Variants in FBN3 observed in about 807,000 individuals in gnomAD.
The protein encoded by FBN3 is fibrillin 3.
A neutral mutation model predicts 330.1 loss-of-function variants in FBN3; 234 were observed. That is an observed-to-expected ratio of 0.71 (90% CI 0.64 to 0.79). The LOEUF is 0.79. Ranked by LOEUF, FBN3 falls within the 30% of genes least tolerant of loss-of-function variation. The probability of loss-of-function intolerance (pLI) is 0.00; values close to 1 mark genes in which losing one functional copy is unlikely to be tolerated. For synonymous variants in FBN3, 1,458 were observed against 1,517.3 expected (o/e 0.96, Z 0.91); for missense variants, 3,606 against 3,886.9 (o/e 0.93, Z 1.92).
At chr19:8,132,757 G>A (rs1049864399) in intron 14 of FBN3, among the ~76,000 whole-genome samples, 5 of 152,322 alleles carry the variant, frequency 3.3e-5, no homozygotes, top group African/African-American at 1.2e-4. Context: ...CTCCCAAGGT[G>A]CTGGGACTAC....
Position 8,139,626 on chromosome 19 carries a change from A to G in FBN3, c.866-1062T>C, listed in dbSNP as rs75713782. Among the ~76,000 whole-genome samples, 342 of 151,890 alleles carry G rather than the reference A, an allele frequency of 2.3e-3. No homozygotes were observed. The Middle Eastern group carries it at 0.024, about 11-fold the overall frequency. On this transcript the variant is annotated intron_variant, in intron 8 of 63. Transcript: ENST00000600128. ...CTGTGAATTTCAGAGAGGGGCCCCA[A>G]GGAGTCGAGGGGTGGATTGACGGCT...
At chr19:8,141,891 G>C in intron 7 of FBN3, 49 bp from the exon 8 acceptor site, 1 of 1,612,468 alleles carries the variant, frequency 6.2e-7, no homozygotes, top group Non-Finnish European at 8.5e-7. Flanking sequence ...TCGGAGGGAA[G>C]AACCAAGGCA....
intron 8 of FBN3, among the ~76,000 whole-genome samples, chr19:8,140,540 C>G (rs76482270): frequency 0.041 from 6,259 of 152,304 alleles, 160 homozygotes; most frequent in Non-Finnish European, 0.062. Context: ...CCCAACATTA[C>G]CTGGTGTCCA....
chr19:8,147,142 C>T lies in FBN3; in HGVS notation c.212G>A (p.Gly71Asp), dbSNP rs1286065947. The part of the protein sequence containing the change: ...GSRFHAYCCP[G>D]WRTFPGRSQC... ...GCTCCTGCCAGGGAATGTCCTCCAG[C>T]CTGGACAGCAGTAGGCATGGAACCG... Residue 71 changes from glycine to aspartate, a missense_variant, in exon 3 of 64, where the codon GGC (glycine) becomes GAC (aspartate). Physicochemically the swap from Gly to Asp is moderately conservative, Grantham distance 94 (BLOSUM62 -1). Transcript: ENST00000600128. 1 of 1,572,820 alleles carries T rather than the reference C, an allele frequency of 6.4e-7. No individual in the cohort carries two copies. The highest frequency in any genetic ancestry group is 8.6e-7 in the Non-Finnish European group (1 of 1,160,456).
chr19:8,089,744 C>T, intron 50 of FBN3, 74 bp from the exon 51 acceptor site: 1 of 1,587,046 alleles, frequency 6.3e-7, no homozygotes, highest in Non-Finnish European at 8.6e-7. Context: ...CACTCAAGGC[C>T]CCAAGGGGAC....
chr19:8,093,141 A>G (rs2082133735), intron 47 of FBN3, among the ~76,000 whole-genome samples: 1 of 152,146 alleles, frequency 6.6e-6, no homozygotes, highest in Non-Finnish European at 1.5e-5. Flanking sequence ...GGATATATTT[A>G]CCCTACACCG....
intron 57 of FBN3, among the ~76,000 whole-genome samples, 164 bp downstream of exon 57, chr19:8,083,083 G>A (rs1483658597): frequency 2.0e-5 from 3 of 152,090 alleles, no homozygotes; most frequent in East Asian, 1.9e-4. Context: ...TTACAGTAGC[G>A]AGCCATCACA....
In FBN3 at chr19:8,125,780, G is replaced by T. The variant is rs2082964117; in HGVS notation, c.2731+112C>A. ...CACTCCAGCCTGGGCGACAGAGCGA[G>T]ACTCCATCTCAAAAAAAAAAAAAAA... On this transcript the variant is annotated intron_variant, in intron 22 of 63. Transcript: ENST00000600128. 4 of 1,229,874 alleles carry T rather than the reference G, an allele frequency of 3.3e-6. No individual in the cohort carries two copies. The East Asian group carries it at 1.1e-4, about 34-fold the overall frequency. 76.2% of individuals were successfully genotyped at this position (1,229,874 alleles called of 1,614,324 possible).
intron 59 of FBN3, 25 bp from the exon 60 acceptor site, chr19:8,075,436 G>T (rs1269437951): frequency 1.3e-6 from 2 of 1,599,976 alleles, no homozygotes; most frequent in Non-Finnish European, 8.5e-7. Context: ...GATCAGGCAG[G>T]GTTGCCTGCT....
chr19:8,071,823 A>T (rs2081518569), intron 63 of FBN3, among the ~76,000 whole-genome samples: 1 of 149,304 alleles, frequency 6.7e-6, no homozygotes, highest in Admixed American at 6.8e-5. Context: ...AGTGAGGCAG[A>T]GTGTCCGGGA....
chr19:8,116,894 G>C lies in FBN3; in HGVS notation c.3587-95C>G, dbSNP rs561992681. 161 of 1,466,886 alleles carry C rather than the reference G, an allele frequency of 1.1e-4. 1 individual carries two copies. The African/African-American group carries it at 2.0e-3, about 19-fold the overall frequency. 90.9% of individuals were successfully genotyped at this position (1,466,886 alleles called of 1,614,324 possible). A position where few individuals can be genotyped will look rare whatever the true frequency, so the allele number is the denominator to read the frequency against. On this transcript the variant is annotated intron_variant, in intron 28 of 63. Coordinates refer to ENST00000600128, the MANE Select transcript of FBN3 (RefSeq NM_032447.5). ...CAGGCCCCAGGACGACCTGTAGCCA[G>C]GTGAGGATAGCGATGGTCACTCGAG... is the stretch of plus-strand genomic sequence containing the variant.
At chr19:8,102,307 C>T (rs571571445) in intron 40 of FBN3, among the ~76,000 whole-genome samples, 5 of 152,052 alleles carry the variant, frequency 3.3e-5, no homozygotes, top group South Asian at 4.2e-4. Flanking sequence ...CCCCACTTCC[C>T]GGGTTCAAGC....
rs1225421503 is a variant in FBN3 at position 8,140,320 on chromosome 19, C to T, written c.865+1397G>A. The stretch of plus-strand genomic sequence containing the variant: ...CTCTACTAAAAATGCAAAAATTAGC[C>T]GGGCATGGTGGTGGGTGCCTGTAAT... On this transcript the variant is annotated intron_variant, in intron 8 of 63. Transcript: ENST00000600128. 3.3e-5 allele frequency among the ~76,000 whole-genome samples: 5 copies of T among 152,078 alleles called. No individual in the cohort carries two copies. The East Asian group carries it at 5.8e-4, about 18-fold the overall frequency.
At chr19:8,102,410 G>A (rs2082347088) in intron 40 of FBN3, among the ~76,000 whole-genome samples, 1 of 151,776 alleles carries the variant, frequency 6.6e-6, no homozygotes, top group Non-Finnish European at 1.5e-5. Flanking sequence ...TAGAGACAGG[G>A]TTTCACTGTG....
chr19:8,132,953 C>A (rs1262422675), intron 14 of FBN3, 31 bp downstream of exon 14: 3 of 1,526,724 alleles, frequency 2.0e-6, no homozygotes, highest in African/African-American at 1.4e-5. Context: ...TCCCTTCTCC[C>A]CTCCGCTGGC....
chr19:8,139,435 C>T (rs546551717), intron 8 of FBN3, among the ~76,000 whole-genome samples: 17 of 152,286 alleles, frequency 1.1e-4, no homozygotes, highest in South Asian at 4.1e-4. Flanking sequence ...TCCAAGTTAT[C>T]GCACAGAGGT....
chr19:8,102,616 T>G, intron 40 of FBN3, 108 bp downstream of exon 40: 1 of 1,107,698 alleles, frequency 9.0e-7, no homozygotes, highest in South Asian at 1.5e-5. Context: ...TCTCTGGCTC[T>G]CATCAGAACA....
In FBN3 at chr19:8,142,116, A is replaced by G; in HGVS notation, c.563T>C (p.Phe188Ser). Residue 188 changes from phenylalanine to serine, a missense_variant, in exon 7 of 64, where the codon TTT (phenylalanine) becomes TCT (serine). Physicochemically the swap from Phe to Ser is radical, Grantham distance 155. Transcript: ENST00000600128. ...GCACCCCTCGGGGCCTACTTGGCCAAAGCAGGGTCCCGTCCGGTAATCTGC... is the reference window on the plus strand; with the variant it reads ...GCACCCCTCGGGGCCTACTTGGCCAGAGCAGGGTCCCGTCCGGTAATCTGC... ...CERDYRTGPC[F>S]GQVGPEGCQH... is the part of the protein sequence containing the mutation. 2 of 1,611,826 alleles carry G rather than the reference A, an allele frequency of 1.2e-6. No homozygotes were observed. The highest frequency in any genetic ancestry group is 3.3e-5 in the Admixed American group (2 of 59,948).
At position 8,115,546 on chromosome 19, in the gene FBN3, G is replaced by A; in HGVS notation, c.3807C>T (p.Tyr1269=). ...GSFVCHCQLG[Y]MVRKGATGCS... ...AGCCTGTGGCCCCCTTCCTGACCAT[G>A]TAGCCCAGCTGACAGTGGCAGACAA... Residue 1269 remains tyrosine (Y), a synonymous_variant, in exon 30 of 64, where the codon TAC becomes TAT. Coordinates refer to ENST00000600128, the MANE Select transcript of FBN3 (RefSeq NM_032447.5). 1.2e-6 allele frequency: 2 copies of A among 1,614,054 alleles called. No individual in the cohort carries two copies. Among genetic ancestry groups the A allele is most frequent in the Non-Finnish European group, 1.7e-6 (2 of 1,180,008 alleles).
Sources: allele counts gnomAD v4.1 joint callset (sites outside exome capture counted in the v4.1 genomes callset), GRCh38; gene constraint gnomAD v4.1.1; transcripts MANE v1.5; gene names NCBI Gene and HGNC (gene_info 2026-07-23, HGNC 2026-07-21).